SLC44A2: variants seen among roughly 807,000 people sequenced by gnomAD.
The protein encoded by SLC44A2 is choline transporter-like protein 2.
Under a neutral mutation model 90.8 loss-of-function variants are expected in SLC44A2, and 57 were observed. The observed-to-expected ratio is 0.63, with a 90% CI of 0.51 to 0.78. The LOEUF (loss-of-function observed/expected upper bound fraction) is 0.78, where lower values mean the gene tolerates loss of function less well. Among genes scored for constraint, SLC44A2 ranks in the 30% least tolerant of loss-of-function variants. The probability of loss-of-function intolerance (pLI) is 0.00; values close to 1 mark genes in which losing one functional copy is unlikely to be tolerated. For synonymous variants in SLC44A2, 355 were observed against 360.7 expected (o/e 0.98, Z 0.18); for missense variants, 794 against 919.7 (o/e 0.86, Z 1.77).
intron 1 of SLC44A2, among the ~76,000 whole-genome samples, chr19:10,620,187 CA>C (rs914688415): frequency 3.2e-4 from 47 of 147,850 alleles, no homozygotes; most frequent in Non-Finnish European, 6.3e-4. Context: ...AAAACAAAAA[CA>C]AAAAAAAAAT....
intron 1 of SLC44A2, among the ~76,000 whole-genome samples, chr19:10,613,155 T>C (rs1414556863): frequency 6.6e-6 from 1 of 152,090 alleles, no homozygotes; most frequent in Admixed American, 6.6e-5. Context: ...CCTCCCGGGC[T>C]CAAGCGATTC....
Position 10,627,916 on chromosome 19 carries a change from A to T in SLC44A2, c.161-4A>T, listed in dbSNP as rs1353395733. 1.9e-6 allele frequency: 3 copies of T among 1,613,882 alleles called. No individual in the cohort carries two copies. Among genetic ancestry groups the T allele is most frequent in the Non-Finnish European group, 2.5e-6 (3 of 1,179,982 alleles). ...TGTCTCAGTATCCCTGGATCTTTCCACAGCCTGGACTCATGGAGACCCTCG... is the reference window on the plus strand; with the variant it reads ...TGTCTCAGTATCCCTGGATCTTTCCTCAGCCTGGACTCATGGAGACCCTCG... On this transcript the variant is annotated splice_region_variant and splice_polypyrimidine_tract_variant and intron_variant, in intron 3 of 21. Transcript: ENST00000335757.
At chr19:10,629,403 G>A (rs184157399) in intron 4 of SLC44A2, among the ~76,000 whole-genome samples, 53 of 149,446 alleles carry the variant, frequency 3.5e-4, no homozygotes, top group Admixed American at 3.1e-3. Context: ...TCAGCCTCCC[G>A]AGTTGCTGGG....
At chr19:10,634,277 C>T (rs2067029292) in intron 10 of SLC44A2, among the ~76,000 whole-genome samples, 1 of 150,584 alleles carries the variant, frequency 6.6e-6, no homozygotes, top group African/African-American at 2.4e-5. Flanking sequence ...CGTGAGCCAC[C>T]GCGCCCGGCC....
rs1033368917 is a variant in SLC44A2, at chr19:10,643,755, G to T, written c.*370G>T. The stretch of plus-strand genomic sequence containing the variant: ...GACGGTGTTTGTGTCTGAGGGAGCT[G>T]CTGGCCACAGTGAACACCCACGTTT... On this transcript the variant is annotated 3_prime_UTR_variant, in exon 22 of 22. Coordinates refer to ENST00000335757, the MANE Select transcript of SLC44A2 (RefSeq NM_020428.4). The T allele has an allele frequency of 2.0e-5, 4 of 196,098 alleles. No individual in the cohort carries two copies. Among genetic ancestry groups the T allele is most frequent in the South Asian group, 8.8e-5 (1 of 11,310 alleles). The allele number at this position is 196,098 out of a possible 1,614,324, so 12.1% of individuals were successfully genotyped here. A position where few individuals can be genotyped will look rare whatever the true frequency, so the allele number is the denominator to read the frequency against.
chr19:10,610,971 C>A (rs763774248), intron 1 of SLC44A2, among the ~76,000 whole-genome samples: 15 of 151,660 alleles, frequency 9.9e-5, no homozygotes, highest in Non-Finnish European at 2.2e-4. Context: ...CCCAATCGAT[C>A]CCCAAGGTGA....
intron 16 of SLC44A2, 153 bp downstream of exon 16, chr19:10,636,909 T>G (rs1024777487): frequency 1.0e-5 from 8 of 789,524 alleles, no homozygotes; most frequent in African/African-American, 1.7e-5. Flanking sequence ...GGAGTTGGCG[T>G]GATTGAGTCC....
At chr19:10,608,674 G>A (rs1441070652) in intron 1 of SLC44A2, among the ~76,000 whole-genome samples, 1 of 151,338 alleles carries the variant, frequency 6.6e-6, no homozygotes, top group Non-Finnish European at 1.5e-5. Context: ...ATTTGAGACA[G>A]GGTCTCACTC....
At chr19:10,629,838 C>T (rs974415771) in intron 4 of SLC44A2, among the ~76,000 whole-genome samples, 19 of 151,904 alleles carry the variant, frequency 1.3e-4, no homozygotes, top group Non-Finnish European at 2.2e-4. Flanking sequence ...ACTGCAACCT[C>T]CGCCACCCAG....
chr19:10,619,474 C>G (rs1480074357), intron 1 of SLC44A2, among the ~76,000 whole-genome samples: 2 of 149,968 alleles, frequency 1.3e-5, no homozygotes, highest in African/African-American at 4.9e-5. Flanking sequence ...GCCTCAGAGC[C>G]TACTTTGGCT....
chr19:10,623,491 G>C (rs1000678637), upstream of SLC44A2, among the ~76,000 whole-genome samples: 123 of 152,156 alleles, frequency 8.1e-4, no homozygotes, highest in Admixed American at 3.3e-3. Flanking sequence ...CACACCACCT[G>C]TATAATGCCA....
upstream of SLC44A2, among the ~76,000 whole-genome samples, chr19:10,624,637 C>T (rs1478882342): frequency 6.6e-6 from 1 of 152,248 alleles, no homozygotes; most frequent in Admixed American, 6.5e-5. Context: ...ACTTTAGCCT[C>T]ATTTTGCAGT....
intron 16 of SLC44A2, 25 bp from the exon 17 acceptor site, chr19:10,637,619 C>T (rs79521494): frequency 0.035 from 56,428 of 1,607,588 alleles, 1,324 homozygotes; most frequent in South Asian, 0.095. Flanking sequence ...CCCCTCACTT[C>T]CACATCCCTT....
rs978582087 is a variant in SLC44A2, at chr19:10,607,871, G to A, written c.31+5310G>A. ...TGCCATTCTCCTGCCTCAGCCTCCC[G>A]AGTAGCTGGGACTACAGGCGCCCGC... On this transcript the variant is annotated intron_variant, in intron 1 of 21. Coordinates refer to the SLC44A2 transcript ENST00000407327. Among the ~76,000 whole-genome samples, 29 of 149,032 alleles carry A rather than the reference G, an allele frequency of 1.9e-4. No homozygotes were observed. The East Asian group carries it at 2.9e-3, about 15-fold the overall frequency.
chr19:10,614,256 C>T (rs575164265), intron 1 of SLC44A2, among the ~76,000 whole-genome samples: 15 of 152,138 alleles, frequency 9.9e-5, no homozygotes, highest in South Asian at 6.2e-4. Context: ...CATGAGCCAC[C>T]GCACCCGTCC....
Position 10,637,701 on chromosome 19 carries a change from G to A in SLC44A2, c.1649G>A (p.Cys550Tyr), listed in dbSNP as rs764362676. ...LMTCLKCCFW[C>Y]LEKFIKFLNR... ...ACCTGTCTCAAATGCTGCTTCTGGT[G>A]CCTGGAGAAGTTCATCAAATTCCTT... Residue 550 changes from cysteine to tyrosine, a missense_variant, in exon 17 of 22, where the codon TGC becomes TAC. Transcript: ENST00000335757. 1.9e-6 allele frequency: 3 copies of A among 1,614,106 alleles called. No homozygotes were observed. The highest frequency in any genetic ancestry group is 1.1e-5 in the South Asian group (1 of 91,084).
At chr19:10,627,680 C>T (rs775475016) in intron 2 of SLC44A2, 42 bp from the exon 3 acceptor site, 3 of 1,588,340 alleles carry the variant, frequency 1.9e-6, no homozygotes, top group South Asian at 2.2e-5. Context: ...ATGGTGCACA[C>T]AGCACCAAGC....
chr19:10,605,580 G>A (rs10408934), intron 1 of SLC44A2, among the ~76,000 whole-genome samples: 22,817 of 151,940 alleles, frequency 0.15, 1,918 homozygotes, highest in East Asian at 0.27. Flanking sequence ...CCAGCTACTC[G>A]GGAGGCTGAG....
At position 10,611,604 on chromosome 19, in the gene SLC44A2, A is replaced by T. The variant is rs149320390; in HGVS notation, c.31+9043A>T. On this transcript the variant is annotated intron_variant, in intron 1 of 21. Transcript: ENST00000407327. ...GAGGCCAAGGTGGGTGGATCGCTTG[A>T]GTCCAGGAGTTTGAGACTAGCCTGG... Among the ~76,000 whole-genome samples, 532 of 152,140 alleles carry T rather than the reference A, an allele frequency of 3.5e-3. 2 individuals are homozygous for T. The highest frequency in any genetic ancestry group is 0.01 in the Middle Eastern group (3 of 294).
Sources: allele counts gnomAD v4.1 joint callset (sites outside exome capture counted in the v4.1 genomes callset), GRCh38; gene constraint gnomAD v4.1.1; transcripts MANE v1.5; gene names NCBI Gene and HGNC (gene_info 2026-07-23, HGNC 2026-07-21).